The following HLCS variants were observed in gnomAD, a reference collection of about 807,000 sequenced individuals.
HLCS encodes the protein holocarboxylase synthetase.
Under a neutral mutation model 75.0 loss-of-function variants are expected in HLCS, and 53 were observed. The observed-to-expected ratio is 0.71, with a 90% CI of 0.57 to 0.89. HLCS has a LOEUF of 0.89. HLCS is among the 40% of genes least tolerant of loss of function. The pLI, the probability that HLCS is intolerant of heterozygous loss-of-function variation, is 0.00. For missense variants in HLCS, 966 were observed against 1,074.0 expected (o/e 0.90, Z 1.41); for synonymous variants, 431 against 428.6 (o/e 1.01, Z -0.07).
chr21:36,860,379 G>GGAAGCCACACCCA (rs1569112132), intron 6 of HLCS, among the ~76,000 whole-genome samples: 14 of 117,452 alleles, frequency 1.2e-4, no homozygotes, highest in Non-Finnish European at 2.3e-4. Context: ...AGCCACACCC[G>GGAAGCCACACCCA]CCAGGAAGTC....
chr21:36,882,624 T>C (rs1298719511), intron 6 of HLCS, among the ~76,000 whole-genome samples: 10 of 146,144 alleles, frequency 6.8e-5, no homozygotes, highest in South Asian at 2.2e-4. Flanking sequence ...TTCTTTCTTT[T>C]TTTTTTTTTT....
chr21:36,910,725 A>G (rs1400266990), intron 5 of HLCS, among the ~76,000 whole-genome samples: 1 of 151,864 alleles, frequency 6.6e-6, no homozygotes, highest in Non-Finnish European at 1.5e-5. Context: ...GCGTGTGTGC[A>G]CCTCCTCACC....
chr21:36,765,306 A>G, intron 7 of HLCS, 134 bp from the exon 8 acceptor site: 1 of 887,156 alleles, frequency 1.1e-6, no homozygotes, highest in Non-Finnish European at 1.8e-6. Context: ...CGCTTATTAT[A>G]TTCTGGGCTT....
chr21:36,826,098 T>C (rs904737350), intron 6 of HLCS, among the ~76,000 whole-genome samples: 2 of 152,132 alleles, frequency 1.3e-5, no homozygotes, highest in African/African-American at 2.4e-5. Flanking sequence ...GATTTTAACG[T>C]TAAGAGTAAC....
At chr21:36,928,769 AATT>A (rs2066511273) in intron 5 of HLCS, among the ~76,000 whole-genome samples, 1 of 152,194 alleles carries the variant, frequency 6.6e-6, no homozygotes, top group Non-Finnish European at 1.5e-5. Flanking sequence ...TTCTGAAAAT[AATT>A]ATTTTCCAAA....
intron 2 of HLCS, among the ~76,000 whole-genome samples, chr21:36,950,314 A>C (rs2146600385): frequency 6.6e-6 from 1 of 152,308 alleles, no homozygotes; most frequent in South Asian, 2.1e-4. Flanking sequence ...AAAACAAGAA[A>C]ACCAATAGCA....
chr21:36,961,668 T>C (rs1047421640), intron 2 of HLCS, among the ~76,000 whole-genome samples: 3 of 151,608 alleles, frequency 2.0e-5, no homozygotes, highest in East Asian at 3.9e-4. Context: ...AAAGACAAAT[T>C]TGAGGCCGGG....
intron 1 of HLCS, among the ~76,000 whole-genome samples, chr21:36,979,269 TCTC>T (rs1569273241): frequency 8.6e-6 from 1 of 116,462 alleles, no homozygotes. Context: ...CAAGACTCAG[TCTC>T]AAAAAAAAAA....
At chr21:36,814,848 G>A (rs949639042) in intron 6 of HLCS, among the ~76,000 whole-genome samples, 4 of 152,090 alleles carry the variant, frequency 2.6e-5, no homozygotes, top group African/African-American at 9.7e-5. Flanking sequence ...CGTTTCACTG[G>A]TAACAGAATT....
intron 6 of HLCS, among the ~76,000 whole-genome samples, chr21:36,779,710 C>CT (rs35188541): frequency 2.7e-5 from 4 of 150,940 alleles, no homozygotes; most frequent in South Asian, 4.2e-4. Context: ...TGGATTTGTT[C>CT]TTTTTTTTTT....
intron 5 of HLCS, among the ~76,000 whole-genome samples, chr21:36,922,901 C>T (rs2066235313): frequency 6.6e-6 from 1 of 152,234 alleles, no homozygotes; most frequent in Non-Finnish European, 1.5e-5. Context: ...AAATGTGCTC[C>T]CCAGCTATAA....
At chr21:36,984,716 G>C (rs879050514) in intron 1 of HLCS, among the ~76,000 whole-genome samples, 1 of 152,060 alleles carries the variant, frequency 6.6e-6, no homozygotes, top group Non-Finnish European at 1.5e-5. Flanking sequence ...CATGATCAGG[G>C]GTGATGGCTG....
chr21:36,944,321 G>A (rs1197310657), intron 2 of HLCS, among the ~76,000 whole-genome samples: 1 of 152,150 alleles, frequency 6.6e-6, no homozygotes, highest in Non-Finnish European at 1.5e-5. Flanking sequence ...TAGAACAGGA[G>A]AAACTAATTT....
chr21:36,858,661 A>C (rs13050480), intron 6 of HLCS, among the ~76,000 whole-genome samples: 77,491 of 152,082 alleles, frequency 0.51, 21,124 homozygotes, highest in African/African-American at 0.71. Context: ...CTTGAAGAAT[A>C]GTGGATGGAG....
Position 36,894,037 on chromosome 21 carries a change from A to T in HLCS, c.1892+2823T>A, listed in dbSNP as rs984343979. 5.3e-5 allele frequency among the ~76,000 whole-genome samples: 8 copies of T among 152,080 alleles called. No homozygotes were observed. The South Asian group carries it at 1.2e-3, about 24-fold the overall frequency. ...CAGTGTTGGAGGAGGGCCTGGTGGG[A>T]GGTGATTTGATCGTAGAGGTGGATA... On this transcript the variant is annotated intron_variant, in intron 6 of 10. Coordinates refer to ENST00000674895, the MANE Select transcript of HLCS (RefSeq NM_001352514.2).
At chr21:36,875,569 A>C (rs1001125005) in intron 6 of HLCS, among the ~76,000 whole-genome samples, 1 of 152,162 alleles carries the variant, frequency 6.6e-6, no homozygotes, top group Admixed American at 6.5e-5. Flanking sequence ...AAGGAGCTAC[A>C]CACTACAGGT....
intron 6 of HLCS, among the ~76,000 whole-genome samples, chr21:36,873,838 CTATCCTCCTGCCTTGACCTCTCA>C (rs1305702521): frequency 6.6e-6 from 1 of 152,202 alleles, no homozygotes; most frequent in African/African-American, 2.4e-5. Context: ...TAGGATCAAG[CTATCCTCCTGCCTTGACCTCTCA>C]AAATGCTGAG....
Position 36,959,482 on chromosome 21 carries a change from T to C in HLCS, c.330+2554A>G, listed in dbSNP as rs577862155. 2.6e-5 allele frequency among the ~76,000 whole-genome samples: 4 copies of C among 152,084 alleles called. No homozygotes were observed. The South Asian group carries it at 8.3e-4, about 32-fold the overall frequency. On this transcript the variant is annotated intron_variant, in intron 2 of 10. Transcript: ENST00000674895. ...AGCAGAAGGCAGACAGGCTCATAGG[T>C]AGAAAGGGGCGGGTCCCTGGTGACG... is the stretch of plus-strand genomic sequence containing the variant.
intron 1 of HLCS, 63 bp downstream of exon 1, chr21:36,966,381 C>A: frequency 6.0e-6 from 4 of 669,142 alleles, no homozygotes; most frequent in Non-Finnish European, 7.4e-6. Flanking sequence ...GGGGACGAGG[C>A]GCAGGGACGG....
Sources: gnomAD v4.1 joint callset for allele counts (sites outside exome capture counted in the v4.1 genomes callset) on GRCh38, gnomAD v4.1.1 for gene constraint, MANE v1.5 for transcripts, NCBI Gene and HGNC (gene_info 2026-07-23, HGNC 2026-07-21) for gene names.